CNTNAP3B: variants seen among roughly 807,000 people sequenced by gnomAD.
The protein encoded by CNTNAP3B is contactin-associated protein-like 3B.
A neutral mutation model predicts 108.9 loss-of-function variants in CNTNAP3B; 25 were observed. The ratio of observed to expected loss-of-function variants is 0.23; its 90% CI spans 0.17 to 0.32. CNTNAP3B has a LOEUF of 0.32. Among genes scored for constraint, CNTNAP3B ranks in the 10% least tolerant of loss-of-function variants. CNTNAP3B has a pLI of 1.00. For synonymous variants in CNTNAP3B, 103 were observed against 473.4 expected, an observed-to-expected ratio of 0.22 and a Z score of 10.16; for missense variants, 252 against 1,210.4, an observed-to-expected ratio of 0.21 and a Z score of 11.75.
intron 13 of CNTNAP3B, among the ~76,000 whole-genome samples, chr9:41,950,740 A>G (rs1481749860): frequency 4.3e-5 from 6 of 140,362 alleles, no homozygotes; most frequent in African/African-American, 1.6e-4. Context: ...GAGCAATAGG[A>G]GGAATTCTTT....
At chr9:41,995,855 G>A (rs1825889471) in intron 7 of CNTNAP3B, among the ~76,000 whole-genome samples, 1 of 140,732 alleles carries the variant, frequency 7.1e-6, no homozygotes, top group Non-Finnish European at 1.5e-5. Flanking sequence ...GGCCAACATG[G>A]CGAAACCCCG....
Position 42,001,382 on chromosome 9 carries a change from C to T in CNTNAP3B, c.539-2778G>A, listed in dbSNP as rs1255025965. On this transcript the variant is annotated intron_variant, in intron 4 of 23. Coordinates refer to ENST00000377561, the MANE Select transcript of CNTNAP3B (RefSeq NM_001201380.3). ...TGAGCAGTGCTTGTGTCACTGCACC[C>T]CAGCCTGGGCAACACAGCAAGACCC... Among the ~76,000 whole-genome samples, 3 of 130,848 alleles carry T rather than the reference C, an allele frequency of 2.3e-5. 1 individual carries two copies. Among genetic ancestry groups the T allele is most frequent in the Non-Finnish European group, 4.8e-5 (3 of 62,484 alleles). 85.8% of individuals were successfully genotyped at this position (130,848 alleles called of 152,430 possible).
intron 6 of CNTNAP3B, among the ~76,000 whole-genome samples, chr9:41,997,286 T>G (rs1825916907): frequency 6.6e-6 from 1 of 151,962 alleles, no homozygotes; most frequent in Admixed American, 6.6e-5. Context: ...TGAAATATAT[T>G]CAAATGAGTA....
chr9:41,958,886 C>T lies in CNTNAP3B; in HGVS notation c.1876+1887G>A, dbSNP rs1281812166. Among the ~76,000 whole-genome samples the T allele has an allele frequency of 2.1e-5, 3 of 139,580 alleles. No individual in the cohort carries two copies. In the East Asian group the frequency reaches 6.2e-4, roughly 29 times the overall value. The allele number at this position is 139,580 out of a possible 152,430, so 91.6% of individuals were successfully genotyped here. On this transcript the variant is annotated intron_variant, in intron 12 of 23. Transcript: ENST00000377561. ...TTTTCTCCAACATTCACTGTGAGAA[C>T]CCAGTCAAGCTAGGTGTCAAACTCA...
intron 3 of CNTNAP3B, among the ~76,000 whole-genome samples, chr9:42,051,956 C>G (rs1826972632): frequency 6.6e-6 from 1 of 151,784 alleles, no homozygotes; most frequent in African/African-American, 2.4e-5. Context: ...AATTTTTTCT[C>G]TCTCTTGTAA....
intron 10 of CNTNAP3B, among the ~76,000 whole-genome samples, chr9:41,965,642 T>A (rs1825246833): frequency 1.3e-5 from 2 of 151,208 alleles, no homozygotes; most frequent in Admixed American, 6.6e-5. Flanking sequence ...TTCCAGGCCG[T>A]GAGGGACATC....
intron 13 of CNTNAP3B, among the ~76,000 whole-genome samples, chr9:41,940,583 G>T (rs1824308353): frequency 6.6e-6 from 1 of 152,280 alleles, no homozygotes; most frequent in Non-Finnish European, 1.5e-5. Context: ...ACTTTCGGAG[G>T]CCGAGGTGGG....
At chr9:42,111,666 G>A (rs1311046810) in intron 1 of CNTNAP3B, among the ~76,000 whole-genome samples, 1 of 138,472 alleles carries the variant, frequency 7.2e-6, no homozygotes, top group African/African-American at 2.9e-5. Context: ...CTTAGATTTT[G>A]GTCACCTGAA....
intron 13 of CNTNAP3B, among the ~76,000 whole-genome samples, chr9:41,950,736 T>C (rs1177840155): frequency 3.5e-5 from 5 of 142,096 alleles, no homozygotes; most frequent in Admixed American, 2.9e-4. Context: ...AATAGAGCAA[T>C]AGGAGGAATT....
Position 41,919,148 on chromosome 9 carries a change from T to C in CNTNAP3B, c.2995+922A>G, listed in dbSNP as rs77166721. On this transcript the variant is annotated intron_variant, in intron 18 of 23. Transcript: ENST00000377561. The stretch of plus-strand genomic sequence containing the variant: ...CCCTTTTTCCTTTTCTTTTTTTTTT[T>C]CCCCAAGACGGAGTCTCACTCTGTC... Among the ~76,000 whole-genome samples the C allele has an allele frequency of 3.8e-3, 555 of 146,492 alleles. 5 individuals are homozygous for C. The highest frequency in any genetic ancestry group is 0.013 in the African/African-American group (497 of 37,648).
At chr9:42,067,980 T>C (rs1319334609) in intron 3 of CNTNAP3B, among the ~76,000 whole-genome samples, 1 of 137,656 alleles carries the variant, frequency 7.3e-6, no homozygotes, top group Non-Finnish European at 1.5e-5. Context: ...ATTGAGATAA[T>C]TTATCACTAT....
chr9:41,937,338 G>C, intron 14 of CNTNAP3B, among the ~76,000 whole-genome samples: 1 of 151,900 alleles, frequency 6.6e-6, no homozygotes, highest in Non-Finnish European at 1.5e-5. Context: ...CATTGGCCAG[G>C]CTGGTCTCAA....
At chr9:42,107,468 A>G (rs1191817884) in intron 1 of CNTNAP3B, among the ~76,000 whole-genome samples, 1 of 119,874 alleles carries the variant, frequency 8.3e-6, no homozygotes, top group African/African-American at 3.6e-5. Flanking sequence ...TTTCTCCCTA[A>G]TTAACTTTCC....
intron 18 of CNTNAP3B, among the ~76,000 whole-genome samples, chr9:41,916,039 A>C (rs1823508659): frequency 6.6e-6 from 1 of 151,452 alleles, no homozygotes; most frequent in African/African-American, 2.4e-5. Context: ...TGCATACCAA[A>C]CCCATTATTA....
intron 3 of CNTNAP3B, among the ~76,000 whole-genome samples, chr9:42,071,732 C>T (rs1232565902): frequency 8.3e-6 from 1 of 120,036 alleles, no homozygotes; most frequent in African/African-American, 3.3e-5. Flanking sequence ...TCAGACTCCA[C>T]ATATACTCTG....
chr9:42,087,606 G>A lies in CNTNAP3B; in HGVS notation c.197-10544C>T, dbSNP rs1411503113. 1.0e-4 allele frequency among the ~76,000 whole-genome samples: 15 copies of A among 144,398 alleles called. 3 individuals are homozygous for A. Among genetic ancestry groups the A allele is most frequent in the Non-Finnish European group, 2.3e-4 (15 of 65,950 alleles). 94.7% of individuals were successfully genotyped at this position (144,398 alleles called of 152,430 possible). ...GCTGAAACTCATGTTGTTGTTTGTG[G>A]TGCCATGAGTAATATAGTTCACAGG... On this transcript the variant is annotated intron_variant, in intron 2 of 23. Transcript: ENST00000377561.
chr9:41,967,827 T>C (rs375119045), intron 10 of CNTNAP3B, among the ~76,000 whole-genome samples: 397 of 152,276 alleles, frequency 2.6e-3, no homozygotes, highest in East Asian at 0.016. Flanking sequence ...TTTGTAGCCC[T>C]ATTTGAAAAT....
chr9:41,932,751 T>G (rs1824019077), intron 14 of CNTNAP3B, among the ~76,000 whole-genome samples: 2 of 151,912 alleles, frequency 1.3e-5, no homozygotes, highest in South Asian at 4.2e-4. Context: ...AACTTCTGAC[T>G]TCATGATCTG....
chr9:42,015,644 T>A (rs1321406877), intron 3 of CNTNAP3B, among the ~76,000 whole-genome samples: 1 of 27,724 alleles, frequency 3.6e-5, no homozygotes, highest in African/African-American at 1.5e-4. Flanking sequence ...GCTGTGACTG[T>A]GACCCAGGTT....
Sources: gnomAD v4.1 joint callset for allele counts (sites outside exome capture counted in the v4.1 genomes callset) on GRCh38, gnomAD v4.1.1 for gene constraint, MANE v1.5 for transcripts, NCBI Gene and HGNC (gene_info 2026-07-23, HGNC 2026-07-21) for gene names.